LRRC40: variants seen among roughly 807,000 people sequenced by gnomAD.
LRRC40 encodes the protein leucine-rich repeat-containing protein 40.
In LRRC40, 76 loss-of-function variants were observed where a neutral mutation model predicts 72.8. The ratio of observed to expected loss-of-function variants is 1.04; its 90% CI spans 0.87 to 1.26. The LOEUF is 1.26. LRRC40 is among the 50% of genes most tolerant of loss of function. The pLI is 0.00. For missense variants in LRRC40, 684 were observed against 698.9 expected (o/e 0.98, Z 0.24); for synonymous variants, 243 against 254.2 (o/e 0.96, Z 0.42).
intron 1 of LRRC40, among the ~76,000 whole-genome samples, chr1:70,202,746 C>A (rs1668775796): frequency 6.6e-6 from 1 of 152,002 alleles, no homozygotes; most frequent in Admixed American, 6.6e-5. Flanking sequence ...TACATTAATG[C>A]AAGATGTTAA....
At chr1:70,161,828 A>G (rs138539455) in intron 9 of LRRC40, among the ~76,000 whole-genome samples, 40 of 152,338 alleles carry the variant, frequency 2.6e-4, no homozygotes, top group African/African-American at 9.1e-4. Flanking sequence ...AACATTATCC[A>G]TCACACATAA....
At chr1:70,196,804 T>C (rs1236447384) in intron 1 of LRRC40, among the ~76,000 whole-genome samples, 5 of 152,202 alleles carry the variant, frequency 3.3e-5, no homozygotes, top group African/African-American at 7.2e-5. Context: ...TATATCTTGA[T>C]TGTAGTACTG....
intron 9 of LRRC40, among the ~76,000 whole-genome samples, chr1:70,162,737 C>T (rs1291943504): frequency 6.6e-6 from 1 of 152,186 alleles, no homozygotes; most frequent in Non-Finnish European, 1.5e-5. Flanking sequence ...ATGAGTAAGA[C>T]ACTGTGAGTG....
Position 70,151,148 on chromosome 1 carries a change from C to A in LRRC40, c.1497G>T (p.Thr499=). The A allele has an allele frequency of 6.4e-7, 1 of 1,574,390 alleles. No homozygotes were observed. Among genetic ancestry groups the A allele is most frequent in the Non-Finnish European group, 8.7e-7 (1 of 1,146,258 alleles). Residue 499 remains threonine, a synonymous_variant, in exon 13 of 15, where the codon ACG becomes ACT. Transcript: ENST00000370952. ...EEMESLVRLQ[T]INLSFNRFKM... Reference sequence around the variant, plus strand: ...CTTACCTATTAAAGGAAAGATTGATCGTTTGCAGTCTTACCAGTGATTCCA... The same window carrying A: ...CTTACCTATTAAAGGAAAGATTGATAGTTTGCAGTCTTACCAGTGATTCCA...
chr1:70,180,676 A>G (rs892137951), intron 5 of LRRC40, among the ~76,000 whole-genome samples: 1 of 152,178 alleles, frequency 6.6e-6, no homozygotes, highest in African/African-American at 2.4e-5. Context: ...CTGGGACCTC[A>G]GACAAAACAA....
At chr1:70,148,421 G>C in intron 14 of LRRC40, 66 bp downstream of exon 14, 1 of 1,255,028 alleles carries the variant, frequency 8.0e-7, no homozygotes, top group Non-Finnish European at 1.1e-6. Flanking sequence ...ATCTGAAAAA[G>C]AAAAACAAAT....
Position 70,189,375 on chromosome 1 carries a change from T to G in LRRC40, c.152-102A>C. ...ATGCTTTTATAATAGCCATTCCATT[T>G]ATCTATTGAAAAACATTTTCTAAAA... On this transcript the variant is annotated intron_variant, in intron 1 of 14. Coordinates refer to ENST00000370952, the MANE Select transcript of LRRC40 (RefSeq NM_017768.5). 4 of 946,396 alleles carry G rather than the reference T, an allele frequency of 4.2e-6. No individual in the cohort carries two copies. In the East Asian group the frequency reaches 1.0e-4, roughly 24 times the overall value. The allele number at this position is 946,396 out of a possible 1,614,324, so 58.6% of individuals were successfully genotyped here. A position where few individuals can be genotyped will look rare whatever the true frequency, so the allele number is the denominator to read the frequency against.
intron 2 of LRRC40, 52 bp from the exon 3 acceptor site, chr1:70,187,390 T>TA: frequency 1.2e-6 from 1 of 864,408 alleles, no homozygotes; most frequent in South Asian, 1.5e-5. Context: ...TCATTAACAA[T>TA]ATATAAGCTT....
At chr1:70,181,050 C>T in intron 5 of LRRC40, 36 bp downstream of exon 5, 1 of 1,386,808 alleles carries the variant, frequency 7.2e-7, no homozygotes, top group Non-Finnish European at 9.9e-7. Context: ...GCACCAACTT[C>T]AAATTTATGT....
At chr1:70,156,193 G>A (rs905321622) in intron 10 of LRRC40, among the ~76,000 whole-genome samples, 2 of 151,978 alleles carry the variant, frequency 1.3e-5, no homozygotes, top group Non-Finnish European at 2.9e-5. Flanking sequence ...GGAGTTTTCT[G>A]TCAAATTTGT....
intron 3 of LRRC40, among the ~76,000 whole-genome samples, chr1:70,187,002 T>A (rs558463204): frequency 1.3e-4 from 19 of 150,942 alleles, no homozygotes; most frequent in African/African-American, 4.1e-4. Context: ...AGAATTGTTT[T>A]ATAAAAAAAA....
At chr1:70,146,753 T>A (rs1219856578) in intron 14 of LRRC40, among the ~76,000 whole-genome samples, 1 of 152,140 alleles carries the variant, frequency 6.6e-6, no homozygotes, top group African/African-American at 2.4e-5. Flanking sequence ...CCCAAAACAT[T>A]AACACATTCT....
chr1:70,177,349 C>T (rs114473847), intron 6 of LRRC40, among the ~76,000 whole-genome samples: 2 of 152,208 alleles, frequency 1.3e-5, no homozygotes, highest in Non-Finnish European at 2.9e-5. Flanking sequence ...AACTGTAGTA[C>T]ACACTGTACT....
Position 70,190,677 on chromosome 1 carries a change from T to TAAAAAAAAAAAAAAAAAAA in LRRC40, c.152-1423_152-1405dup, listed in dbSNP as rs59341874. On this transcript the variant is annotated intron_variant, in intron 1 of 14. Transcript: ENST00000370952. The stretch of plus-strand genomic sequence containing the variant: ...GGGAAACAGAGTGAGACCCTGTCTC[T>TAAAAAAAAAAAAAAAAAAA]AAAAAAAAAAAAAAAAAAACTTAAA... 1.3e-3 allele frequency among the ~76,000 whole-genome samples: 70 copies of TAAAAAAAAAAAAAAAAAAA among 54,340 alleles called. 3 individuals carry two copies. The highest frequency in any genetic ancestry group is 6.8e-3 in the African/African-American group (54 of 7,902). The allele number at this position is 54,340 out of a possible 152,430, so 35.6% of individuals were successfully genotyped here. A position where few individuals can be genotyped will look rare whatever the true frequency, so the allele number is the denominator to read the frequency against.
intron 9 of LRRC40, among the ~76,000 whole-genome samples, chr1:70,164,378 G>GA: frequency 6.6e-6 from 1 of 151,798 alleles, no homozygotes; most frequent in East Asian, 1.9e-4. Context: ...CAACGAGAGC[G>GA]AAACTCCATA....
chr1:70,197,020 GCAGCA>G (rs1668627273), intron 1 of LRRC40, among the ~76,000 whole-genome samples: 6 of 152,122 alleles, frequency 3.9e-5, no homozygotes, highest in African/African-American at 1.4e-4. Context: ...ATATCCTTAA[GCAGCA>G]TGGCTCAACA....
At chr1:70,170,213 C>A (rs1365006578) in intron 9 of LRRC40, among the ~76,000 whole-genome samples, 1 of 152,038 alleles carries the variant, frequency 6.6e-6, no homozygotes, top group African/African-American at 2.4e-5. Flanking sequence ...TCTTTTAGGA[C>A]AAACACACTC....
rs879219635 is a variant in LRRC40 at position 70,184,709 on chromosome 1, T to C, written c.537+76A>G. 145 of 1,346,584 alleles carry C rather than the reference T, an allele frequency of 1.1e-4. 2 individuals carry two copies. The highest frequency in any genetic ancestry group is 8.9e-5 in the Non-Finnish European group (88 of 991,066). 83.4% of individuals were successfully genotyped at this position (1,346,584 alleles called of 1,614,324 possible). On this transcript the variant is annotated intron_variant, in intron 4 of 14. Coordinates refer to ENST00000370952, the MANE Select transcript of LRRC40 (RefSeq NM_017768.5). ...GTCCATGTTCCCACAGTTTCAATCA[T>C]CTATCTTAATTTCTCAGCCTGATGA...
Position 70,185,163 on chromosome 1 carries a change from T to C in LRRC40, c.408-249A>G, listed in dbSNP as rs1009384188. ...AGGCTTTTAGCCAAACATAAATAAT[T>C]TGTGATGTTTTGATTGCATGCTTAT... On this transcript the variant is annotated intron_variant, in intron 3 of 14. Transcript: ENST00000370952. Among the ~76,000 whole-genome samples the C allele has an allele frequency of 1.4e-4, 21 of 152,252 alleles. No individual in the cohort carries two copies. The South Asian group carries it at 1.7e-3, about 12-fold the overall frequency.
Sources: gnomAD v4.1 joint callset for allele counts (sites outside exome capture counted in the v4.1 genomes callset) on GRCh38, gnomAD v4.1.1 for gene constraint, MANE v1.5 for transcripts, NCBI Gene and HGNC (gene_info 2026-07-23, HGNC 2026-07-21) for gene names.